Variants in ERCC6L2 observed in about 807,000 individuals in gnomAD.
The protein encoded by ERCC6L2 is DNA excision repair protein ERCC-6-like 2.
A neutral mutation model predicts 132.0 loss-of-function variants in ERCC6L2; 77 were observed. The ratio of observed to expected loss-of-function variants is 0.58; its 90% CI spans 0.49 to 0.71. The LOEUF (loss-of-function observed/expected upper bound fraction) is 0.71. Ranked by LOEUF, ERCC6L2 falls within the 30% of genes least tolerant of loss-of-function variation. The pLI is 0.00. For synonymous variants in ERCC6L2, 583 were observed against 632.4 expected (o/e 0.92, Z 1.17); for missense variants, 1,542 against 1,837.6 (o/e 0.84, Z 2.94).
chr9:95,949,758 C>T (rs1047158724), intron 12 of ERCC6L2, among the ~76,000 whole-genome samples: 2 of 152,102 alleles, frequency 1.3e-5, no homozygotes. Context: ...GCCTGTAATC[C>T]CAGCACTTTG....
chr9:95,917,558 G>A (rs1587902341), intron 6 of ERCC6L2, among the ~76,000 whole-genome samples: 1 of 152,138 alleles, frequency 6.6e-6, no homozygotes, highest in South Asian at 2.1e-4. Flanking sequence ...AGCAAATATT[G>A]TTACTAAATT....
chr9:96,034,565 A>G (rs1466654040), intron 19 of ERCC6L2, among the ~76,000 whole-genome samples: 1 of 152,186 alleles, frequency 6.6e-6, no homozygotes, highest in African/African-American at 2.4e-5. Context: ...AACAAGCAAG[A>G]GCATTATGAG....
chr9:95,997,835 A>G (rs201276974), intron 17 of ERCC6L2, among the ~76,000 whole-genome samples: 2 of 149,492 alleles, frequency 1.3e-5, no homozygotes, highest in East Asian at 3.8e-4. Flanking sequence ...CACGTAATCT[A>G]GAATCTTTTC....
downstream of ERCC6L2, chr9:96,020,773 T>G: frequency 2.2e-6 from 1 of 456,240 alleles, no homozygotes; most frequent in Non-Finnish European, 4.4e-6. Context: ...GGATGGGGAG[T>G]GGACGGGCCT....
In ERCC6L2 at chr9:95,971,929, A is replaced by G. The variant is rs1564275071; in HGVS notation, c.2182-4A>G. 3.1e-6 allele frequency: 4 copies of G among 1,278,154 alleles called. No individual in the cohort carries two copies. The highest frequency in any genetic ancestry group is 4.1e-6 in the Non-Finnish European group (4 of 975,404). 79.2% of individuals were successfully genotyped at this position (1,278,154 alleles called of 1,614,324 possible). The stretch of plus-strand genomic sequence containing the variant: ...TGATGTTTTTGTCATTGTTTCTCCT[A>G]TAGCCTAGACAGCCTGACTGTCAGG... On this transcript the variant is annotated splice_polypyrimidine_tract_variant and splice_region_variant and intron_variant, in intron 15 of 18. Transcript: ENST00000653738.
At chr9:95,941,726 A>G (rs947463175) in intron 12 of ERCC6L2, among the ~76,000 whole-genome samples, 177 bp downstream of exon 12, 1 of 152,136 alleles carries the variant, frequency 6.6e-6, no homozygotes, top group Non-Finnish European at 1.5e-5. Flanking sequence ...AAAAATAGCC[A>G]TTTTTCATCC....
chr9:96,038,059 A>C (rs1834539666), intron 19 of ERCC6L2, among the ~76,000 whole-genome samples: 1 of 152,050 alleles, frequency 6.6e-6, no homozygotes, highest in South Asian at 2.1e-4. Flanking sequence ...GGAAGAGAGC[A>C]GACCACTCTT....
At chr9:96,008,226 G>A (rs1833923030) in intron 18 of ERCC6L2, among the ~76,000 whole-genome samples, 1 of 152,068 alleles carries the variant, frequency 6.6e-6, no homozygotes, top group African/African-American at 2.4e-5. Context: ...GGTTTGTTCT[G>A]TTCTGGGCTT....
chr9:95,881,157 G>T lies in ERCC6L2; in HGVS notation c.335G>T (p.Gly112Val). The change falls in exon 2 of 19, where the codon GGA (glycine) becomes GTA (valine). Residue 112 changes from glycine to valine, a missense_variant. Gly to Val is a moderately radical substitution (Grantham distance 109). Around this residue, in one of 4 missense-constraint regions of ERCC6L2, gnomAD observed 153 missense variants for 132.3 expected, o/e 1.16. Coordinates refer to ENST00000653738, the MANE Select transcript of ERCC6L2 (RefSeq NM_020207.7). ...SSVAFKLSDNGDSIPYTINRY... is the reference protein window; with the variant it reads ...SSVAFKLSDNVDSIPYTINRY... ...GTTGCTTTTAAATTATCTGACAATG[G>T]AGACTCTATTCCTTATACCATCAAT... The T allele has an allele frequency of 6.2e-7, 1 of 1,613,632 alleles. No individual in the cohort carries two copies. The highest frequency in any genetic ancestry group is 2.2e-5 in the East Asian group (1 of 44,854).
intron 4 of ERCC6L2, 53 bp downstream of exon 4, chr9:95,907,324 C>T: frequency 9.2e-7 from 1 of 1,088,544 alleles, no homozygotes. Context: ...TACTTACATC[C>T]CTTTATATTA....
intron 13 of ERCC6L2, among the ~76,000 whole-genome samples, chr9:95,956,677 A>G (rs1446437258): frequency 1.3e-5 from 2 of 152,180 alleles, no homozygotes; most frequent in Non-Finnish European, 2.9e-5. Context: ...CTAAGCAAAG[A>G]GGGAAAAACC....
intron 13 of ERCC6L2, among the ~76,000 whole-genome samples, chr9:95,963,922 C>T (rs958008248): frequency 2.6e-5 from 4 of 152,140 alleles, no homozygotes; most frequent in African/African-American, 9.7e-5. Flanking sequence ...TACTACTGCT[C>T]ACGTTAACCT....
intron 17 of ERCC6L2, among the ~76,000 whole-genome samples, chr9:95,999,569 G>C (rs539466696): frequency 2.0e-5 from 3 of 152,164 alleles, no homozygotes; most frequent in Admixed American, 6.5e-5. Context: ...AAGACCCAGA[G>C]TAAACACGTA....
intron 2 of ERCC6L2, among the ~76,000 whole-genome samples, chr9:95,892,462 C>T (rs964507249): frequency 2.7e-4 from 41 of 149,862 alleles, no homozygotes; most frequent in African/African-American, 1.0e-3. Flanking sequence ...GTCCTGCTCC[C>T]TCACCCAGGC....
intron 6 of ERCC6L2, among the ~76,000 whole-genome samples, chr9:95,917,521 T>C (rs1284160300): frequency 1.3e-5 from 2 of 152,218 alleles, no homozygotes; most frequent in East Asian, 3.8e-4. Flanking sequence ...GGGAAATAGA[T>C]ACATCTGACT....
chr9:96,026,996 TACAC>T (rs1056198995), intron 19 of ERCC6L2, among the ~76,000 whole-genome samples: 16 of 86,146 alleles, frequency 1.9e-4, no homozygotes, highest in Non-Finnish European at 2.6e-4. Flanking sequence ...CACACCACAC[TACAC>T]ACACACACTA....
At chr9:95,941,425 T>C in intron 11 of ERCC6L2, 29 bp from the exon 12 acceptor site, 3 of 1,552,074 alleles carry the variant, frequency 1.9e-6, no homozygotes, top group South Asian at 2.3e-5. Context: ...GCTGTTCTAA[T>C]GTGCTTTTTT....
intron 19 of ERCC6L2, among the ~76,000 whole-genome samples, chr9:96,037,615 G>A (rs979274946): frequency 2.0e-5 from 3 of 152,188 alleles, no homozygotes; most frequent in Non-Finnish European, 4.4e-5. Flanking sequence ...CCAGGCACAT[G>A]TCGAGGTAGA....
chr9:95,963,252 A>G (rs1314055487), intron 13 of ERCC6L2, among the ~76,000 whole-genome samples: 1 of 151,804 alleles, frequency 6.6e-6, no homozygotes, highest in African/African-American at 2.4e-5. Context: ...GCTTCACTCA[A>G]ATCACTCAAA....
Sources: gnomAD v4.1 joint callset for allele counts (sites outside exome capture counted in the v4.1 genomes callset) on GRCh38, gnomAD v4.1.1 for gene constraint, gnomAD v4.1.1 regional missense constraint, MANE v1.5 for transcripts, NCBI Gene and HGNC (gene_info 2026-07-23, HGNC 2026-07-21) for gene names.